Variants in PTPRK observed in about 807,000 individuals in gnomAD.
PTPRK encodes the protein protein tyrosine phosphatase receptor type K, also known as receptor-type tyrosine-protein phosphatase kappa.
A neutral mutation model predicts 178.0 loss-of-function variants in PTPRK; 75 were observed. The ratio of observed to expected loss-of-function variants is 0.42; its 90% CI spans 0.35 to 0.51. The LOEUF is 0.51. PTPRK is among the 20% of genes least tolerant of loss of function. PTPRK has a pLI of 0.02. For missense variants in PTPRK, 1,441 were observed against 1,797.8 expected, an observed-to-expected ratio of 0.80 and a Z score of 3.59; for synonymous variants, 637 against 620.6, an observed-to-expected ratio of 1.03 and a Z score of -0.39.
At chr6:128,080,319 A>C (rs1026627810) in intron 10 of PTPRK, among the ~76,000 whole-genome samples, 1 of 152,016 alleles carries the variant, frequency 6.6e-6, no homozygotes, top group African/African-American at 2.4e-5. Flanking sequence ...GCCAACACCA[A>C]GTGGATCTTT....
intron 2 of PTPRK, among the ~76,000 whole-genome samples, chr6:128,352,468 TATAAAG>T (rs1270706136): frequency 1.2e-4 from 19 of 152,246 alleles, no homozygotes; most frequent in African/African-American, 4.3e-4. Context: ...TTGGCCCTAG[TATAAAG>T]ATAAAGTATT....
At chr6:128,462,909 G>GTGGATCACCTAATTCC (rs1401281290) in intron 1 of PTPRK, among the ~76,000 whole-genome samples, 3 of 151,972 alleles carry the variant, frequency 2.0e-5, no homozygotes, top group Admixed American at 1.3e-4. Context: ...CACCTGCCTT[G>GTGGATCACCTAATTCC]GCCTCCTAAA....
chr6:128,353,917 TC>T (rs1369030507), intron 2 of PTPRK, among the ~76,000 whole-genome samples: 1 of 152,210 alleles, frequency 6.6e-6, no homozygotes, highest in African/African-American at 2.4e-5. Context: ...AATATCGGTT[TC>T]CAAGTTGTGA....
chr6:127,977,468 G>C (rs1774735981), intron 25 of PTPRK, among the ~76,000 whole-genome samples: 1 of 152,108 alleles, frequency 6.6e-6, no homozygotes. Context: ...AAAACCCCTG[G>C]TATGTCTATC....
chr6:128,497,885 T>C (rs1320587306), intron 1 of PTPRK, among the ~76,000 whole-genome samples: 1 of 152,116 alleles, frequency 6.6e-6, no homozygotes, highest in African/African-American at 2.4e-5. Flanking sequence ...ATCTGAACTG[T>C]AGAACATTTT....
At chr6:128,382,936 GTCA>G (rs1279810837) in intron 2 of PTPRK, among the ~76,000 whole-genome samples, 4 of 152,114 alleles carry the variant, frequency 2.6e-5, no homozygotes, top group Non-Finnish European at 5.9e-5. Flanking sequence ...TAACATAAAT[GTCA>G]TCCTATTTTT....
At chr6:128,044,377 T>C (rs904114683) in intron 13 of PTPRK, among the ~76,000 whole-genome samples, 4 of 152,030 alleles carry the variant, frequency 2.6e-5, no homozygotes, top group African/African-American at 9.7e-5. Flanking sequence ...TAGCAGTATG[T>C]GCTCTAAACA....
intron 13 of PTPRK, among the ~76,000 whole-genome samples, chr6:128,014,120 G>GA (rs1257212346): frequency 6.6e-6 from 1 of 151,542 alleles, no homozygotes; most frequent in Non-Finnish European, 1.5e-5. Flanking sequence ...CTGGCATATA[G>GA]AAAATCAGTT....
intron 19 of PTPRK, among the ~76,000 whole-genome samples, chr6:127,991,748 C>A (rs576364220): frequency 6.6e-6 from 1 of 151,572 alleles, no homozygotes; most frequent in African/African-American, 2.4e-5. Flanking sequence ...GCATATATTA[C>A]CAATTAAATA....
At chr6:128,094,241 G>A (rs1349883716) in intron 7 of PTPRK, among the ~76,000 whole-genome samples, 2 of 152,118 alleles carry the variant, frequency 1.3e-5, no homozygotes, top group Admixed American at 6.6e-5. Context: ...GAGGGTTTCT[G>A]AGCAGGAAGT....
At chr6:128,520,182 C>A in intron 1 of PTPRK, 77 bp downstream of exon 1, 2 of 1,282,510 alleles carry the variant, frequency 1.6e-6, no homozygotes, top group South Asian at 1.3e-5. Flanking sequence ...TTGTCCCCAG[C>A]CCTAGCGGGG....
At chr6:128,375,551 T>C (rs1233422175) in intron 2 of PTPRK, among the ~76,000 whole-genome samples, 1 of 152,106 alleles carries the variant, frequency 6.6e-6, no homozygotes, top group Non-Finnish European at 1.5e-5. Context: ...GAGATTTTGG[T>C]GGGGACACAG....
intron 2 of PTPRK, among the ~76,000 whole-genome samples, chr6:128,331,002 A>G (rs754974234): frequency 7.2e-5 from 11 of 152,112 alleles, no homozygotes; most frequent in African/African-American, 9.7e-5. Context: ...TCATTCATCT[A>G]TTGGTGCAGC....
rs1416016248 is a variant in PTPRK at position 127,969,551 on chromosome 6, A to C, written c.*676T>G. 1 of 152,170 alleles carries C rather than the reference A, an allele frequency of 6.6e-6. No homozygotes were observed. Among genetic ancestry groups the C allele is most frequent in the East Asian group, 1.9e-4 (1 of 5,198 alleles). 9.4% of individuals were successfully genotyped at this position (152,170 alleles called of 1,614,324 possible). ...AGAAAAAGCTTTCTTCAGGAAAAAA[A>C]AGATGATTGTGTGGTGGTAGTATTT... On this transcript the variant is annotated 3_prime_UTR_variant, in exon 30 of 30. Transcript: ENST00000368226.
chr6:128,138,968 G>T (rs944608062), intron 7 of PTPRK, among the ~76,000 whole-genome samples: 2 of 152,068 alleles, frequency 1.3e-5, no homozygotes, highest in Middle Eastern at 3.2e-3. Context: ...ATAAAATGAA[G>T]TATGGTGTAT....
At chr6:127,985,043 T>C (rs138482594) in intron 22 of PTPRK, among the ~76,000 whole-genome samples, 1 of 152,182 alleles carries the variant, frequency 6.6e-6, no homozygotes, top group Non-Finnish European at 1.5e-5. Context: ...GAGAATGGTG[T>C]GCAGCATCAT....
At chr6:128,145,209 C>G (rs1033709389) in intron 7 of PTPRK, among the ~76,000 whole-genome samples, 2 of 151,924 alleles carry the variant, frequency 1.3e-5, no homozygotes, top group Admixed American at 1.3e-4. Flanking sequence ...TACTACTGTT[C>G]CTTAAAAATT....
At chr6:128,408,366 C>T (rs1174422988) in intron 1 of PTPRK, among the ~76,000 whole-genome samples, 1 of 152,024 alleles carries the variant, frequency 6.6e-6, no homozygotes, top group Non-Finnish European at 1.5e-5. Context: ...CCAGCCTGAG[C>T]GACAGAGCAA....
At chr6:127,998,657 G>A (rs917447609) in intron 16 of PTPRK, 63 bp downstream of exon 16, 64 of 1,368,784 alleles carry the variant, frequency 4.7e-5, no homozygotes, top group Non-Finnish European at 5.3e-5. Flanking sequence ...GGAAAAAAAT[G>A]CTAAATTCCA....
Sources: allele counts gnomAD v4.1 joint callset (sites outside exome capture counted in the v4.1 genomes callset), GRCh38; gene constraint gnomAD v4.1.1; transcripts MANE v1.5; gene names NCBI Gene and HGNC (gene_info 2026-07-23, HGNC 2026-07-21).